NFAT5: variants seen among roughly 807,000 people sequenced by gnomAD.
The protein encoded by NFAT5 is nuclear factor of activated T-cells 5.
In NFAT5, 31 loss-of-function variants were observed where a neutral mutation model predicts 166.5. The ratio of observed to expected loss-of-function variants is 0.19; its 90% CI spans 0.14 to 0.25. The LOEUF is 0.25. NFAT5 is among the 10% of genes least tolerant of loss of function. The probability of loss-of-function intolerance (pLI) is 1.00; values close to 1 mark genes in which losing one functional copy is unlikely to be tolerated. For missense variants in NFAT5, 1,449 were observed against 1,821.8 expected (o/e 0.80, Z 3.72); for synonymous variants, 612 against 639.7 (o/e 0.96, Z 0.65).
At chr16:69,608,076 C>T (rs558387980) in intron 2 of NFAT5, among the ~76,000 whole-genome samples, 27 of 151,922 alleles carry the variant, frequency 1.8e-4, no homozygotes, top group African/African-American at 6.0e-4. Context: ...CTTTATTGGC[C>T]GGTCACGGTG....
intron 2 of NFAT5, among the ~76,000 whole-genome samples, chr16:69,574,871 C>T (rs367684941): frequency 9.9e-5 from 15 of 151,950 alleles, no homozygotes; most frequent in African/African-American, 3.6e-4. Context: ...GGGGTTTCAC[C>T]ATGTTGGCCA....
At chr16:69,694,542 A>G (rs529946276) in intron 13 of NFAT5, among the ~76,000 whole-genome samples, 3 of 152,242 alleles carry the variant, frequency 2.0e-5, no homozygotes, top group Non-Finnish European at 4.4e-5. Flanking sequence ...GGCGTGAGCC[A>G]CCACACCTGT....
intron 2 of NFAT5, among the ~76,000 whole-genome samples, chr16:69,576,246 G>A (rs1265728238): frequency 1.3e-5 from 2 of 150,026 alleles, no homozygotes; most frequent in African/African-American, 4.9e-5. Context: ...GAGCGGAGAT[G>A]GCGCCTCTGC....
chr16:69,663,810 A>G (rs1186416438), intron 7 of NFAT5, among the ~76,000 whole-genome samples: 1 of 152,058 alleles, frequency 6.6e-6, no homozygotes, highest in African/African-American at 2.4e-5. Context: ...CCAAGAGTTC[A>G]AGGATACAGT....
At chr16:69,567,415 C>G (rs867417768) in intron 1 of NFAT5, among the ~76,000 whole-genome samples, 22 of 152,176 alleles carry the variant, frequency 1.4e-4, no homozygotes, top group African/African-American at 4.6e-4. Flanking sequence ...GCTTTTTAAA[C>G]CACCGGGAGG....
chr16:69,593,637 A>G (rs899247472), intron 2 of NFAT5, among the ~76,000 whole-genome samples: 1 of 152,158 alleles, frequency 6.6e-6, no homozygotes, highest in Middle Eastern at 3.2e-3. Flanking sequence ...TAACAAAGTA[A>G]TTTTGAGAAC....
chr16:69,674,274 T>C (rs1272539208), intron 9 of NFAT5, among the ~76,000 whole-genome samples: 1 of 150,348 alleles, frequency 6.7e-6, no homozygotes, highest in Non-Finnish European at 1.5e-5. Context: ...TAATACGGTA[T>C]TATAAATATT....
chr16:69,694,907 T>C (rs1207587693), intron 13 of NFAT5, among the ~76,000 whole-genome samples: 2 of 152,246 alleles, frequency 1.3e-5, no homozygotes, highest in African/African-American at 4.8e-5. Flanking sequence ...ATTTTTAGAC[T>C]GCTTAAAGGA....
intron 8 of NFAT5, 24 bp from the exon 9 acceptor site, chr16:69,670,212 T>A: frequency 6.7e-7 from 1 of 1,501,318 alleles, no homozygotes; most frequent in Non-Finnish European, 8.8e-7. Flanking sequence ...AAAAATTTAA[T>A]AAATCACTTT....
Position 69,566,207 on chromosome 16 carries a change from C to A in NFAT5, c.-95C>A. On this transcript the variant is annotated 5_prime_UTR_variant, in exon 1 of 15. Transcript: ENST00000349945. The surrounding 1 kb of genome is among the most constrained non-coding windows in gnomAD (Gnocchi z 5.7). ...CGGCAGCCGCCCTCGCGTCGCCGCC[C>A]CCGGTTCGGTGCCCGCGGTCCCGGA... 1.7e-6 allele frequency: 2 copies of A among 1,174,290 alleles called. No individual in the cohort carries two copies. The highest frequency in any genetic ancestry group is 1.2e-6 in the Non-Finnish European group (1 of 822,500). The allele number at this position is 1,174,290 out of a possible 1,614,324, so 72.7% of individuals were successfully genotyped here.
chr16:69,580,148 T>G (rs2031572822), intron 2 of NFAT5, among the ~76,000 whole-genome samples: 1 of 152,026 alleles, frequency 6.6e-6, no homozygotes, highest in African/African-American at 2.4e-5. Context: ...TTTAATGTAA[T>G]ATGTATTTTA....
At chr16:69,686,582 G>A (rs756998911) in intron 11 of NFAT5, among the ~76,000 whole-genome samples, 2 of 152,090 alleles carry the variant, frequency 1.3e-5, no homozygotes, top group Non-Finnish European at 2.9e-5. Flanking sequence ...ATTTAAATCA[G>A]GCTGGGCACG....
At chr16:69,572,876 C>G (rs1034278312) in intron 2 of NFAT5, among the ~76,000 whole-genome samples, 1 of 152,062 alleles carries the variant, frequency 6.6e-6, no homozygotes, top group African/African-American at 2.4e-5. Context: ...CAGAGTCTCA[C>G]TCTGTTGCCA....
rs1020445875 is a variant in NFAT5, at chr16:69,703,099, G to A, written c.*6748G>A. On this transcript the variant is annotated 3_prime_UTR_variant, in exon 15 of 15. Transcript: ENST00000349945. ...GTACATTATGGGCAGTGTAATACAA[G>A]CTTTCTTTTCATTGCCTAGTACTTT... 3 of 152,696 alleles carry A rather than the reference G, an allele frequency of 2.0e-5. No homozygotes were observed. The highest frequency in any genetic ancestry group is 6.5e-5 in the Admixed American group (1 of 15,282). 9.5% of individuals were successfully genotyped at this position (152,696 alleles called of 1,614,324 possible). A position where few individuals can be genotyped will look rare whatever the true frequency, so the allele number is the denominator to read the frequency against.
In NFAT5 at chr16:69,566,538, C is replaced by T. The variant is rs1208284391; in HGVS notation, c.73+164C>T. ...GCAGAGGCCGAAGGGATCGGGGTGA[C>T]GGTGGAGGGGGCGGGCGGAGCAGTG... On this transcript the variant is annotated intron_variant, in intron 1 of 14. Transcript: ENST00000349945. This position sits in a 1 kb window ranked among gnomAD's most constrained non-coding sequence, Gnocchi z 5.7. Among the ~76,000 whole-genome samples, 1 of 151,942 alleles carries T rather than the reference C, an allele frequency of 6.6e-6. No homozygotes were observed. Among genetic ancestry groups the T allele is most frequent in the African/African-American group, 2.4e-5 (1 of 41,372 alleles).
In NFAT5 at chr16:69,696,740, TTCCTG is replaced by T; in HGVS notation, c.*390_*394del. ...TTACTTTTGTTCTTCATTATTTTCT[TTCCTG>T]CATTGTTTTAGTCAAGTAATGGCTT... On this transcript the variant is annotated 3_prime_UTR_variant, in exon 15 of 15. Transcript: ENST00000349945. 1 of 152,666 alleles carries T rather than the reference TTCCTG, an allele frequency of 6.6e-6. No homozygotes were observed. Among genetic ancestry groups the T allele is most frequent in the East Asian group, 1.9e-4 (1 of 5,208 alleles). 9.5% of individuals were successfully genotyped at this position (152,666 alleles called of 1,614,324 possible). A position where few individuals can be genotyped will look rare whatever the true frequency, so the allele number is the denominator to read the frequency against.
At position 69,635,645 on chromosome 16, in the gene NFAT5, C is replaced by T. The variant is rs530527445; in HGVS notation, c.253+9117C>T. 1.1e-4 allele frequency among the ~76,000 whole-genome samples: 17 copies of T among 152,238 alleles called. No homozygotes were observed. The South Asian group carries it at 2.1e-3, about 19-fold the overall frequency. On this transcript the variant is annotated intron_variant, in intron 3 of 14. Coordinates refer to ENST00000349945, the MANE Select transcript of NFAT5 (RefSeq NM_138713.4). ...GAATCATGGCAGGAGGCAAAAGGCA[C>T]TTCTTACATGGCAGCAGCAAGAGAA...
chr16:69,682,901 T>C (rs964557778), intron 10 of NFAT5, among the ~76,000 whole-genome samples: 2 of 152,246 alleles, frequency 1.3e-5, no homozygotes, highest in African/African-American at 4.8e-5. Flanking sequence ...TTAGAAAATA[T>C]AAAATAAATA....
At chr16:69,655,093 T>C (rs1007208977) in intron 5 of NFAT5, among the ~76,000 whole-genome samples, 9 of 152,210 alleles carry the variant, frequency 5.9e-5, no homozygotes, top group African/African-American at 1.9e-4. Flanking sequence ...TGTCTCAGGA[T>C]TTAATGATGT....
Sources: gnomAD v4.1 joint callset for allele counts (sites outside exome capture counted in the v4.1 genomes callset) on GRCh38, gnomAD v4.1.1 for gene constraint, Gnocchi (gnomAD v3.1) non-coding constraint, MANE v1.5 for transcripts, NCBI Gene and HGNC (gene_info 2026-07-23, HGNC 2026-07-21) for gene names.